The following FYN variants were observed in gnomAD, a reference collection of about 807,000 sequenced individuals.
FYN encodes the protein FYN proto-oncogene, Src family tyrosine kinase.
FYN carries 10 observed loss-of-function variants against 70.2 expected under a neutral mutation model. That is an observed-to-expected ratio of 0.14 (90% CI 0.09 to 0.24). FYN has a LOEUF of 0.24. Ranked by LOEUF, FYN falls within the 10% of genes least tolerant of loss-of-function variation. FYN has a pLI of 1.00. For missense variants in FYN, 319 were observed against 673.1 expected (o/e 0.47, Z 5.82); for synonymous variants, 236 against 248.6 (o/e 0.95, Z 0.48).
intron 3 of FYN, among the ~76,000 whole-genome samples, chr6:111,728,151 G>C (rs574985985): frequency 2.9e-4 from 44 of 152,272 alleles, no homozygotes; most frequent in Middle Eastern, 3.4e-3. Flanking sequence ...TTTTGCTCTG[G>C]ATCTCAGGGT....
chr6:111,792,598 T>C (rs999766371), intron 2 of FYN, among the ~76,000 whole-genome samples: 20 of 152,222 alleles, frequency 1.3e-4, no homozygotes, highest in African/African-American at 4.6e-4. Flanking sequence ...TAAATACATC[T>C]TGATATGTTA....
intron 12 of FYN, among the ~76,000 whole-genome samples, chr6:111,693,792 C>A (rs1325785774): frequency 6.6e-6 from 1 of 152,094 alleles, no homozygotes; most frequent in African/African-American, 2.4e-5. Flanking sequence ...TTGGGTCTGG[C>A]AGAAGACCCA....
chr6:111,846,000 T>C (rs1773516365), intron 2 of FYN, among the ~76,000 whole-genome samples: 1 of 152,198 alleles, frequency 6.6e-6, no homozygotes, highest in Non-Finnish European at 1.5e-5. Flanking sequence ...TCTCAGATTG[T>C]ACCATCATTA....
chr6:111,865,025 G>C (rs1031717160), intron 1 of FYN, among the ~76,000 whole-genome samples: 1 of 152,212 alleles, frequency 6.6e-6, no homozygotes, highest in African/African-American at 2.4e-5. Context: ...GTAGGTAGCT[G>C]TGGTATGCTC....
intron 12 of FYN, among the ~76,000 whole-genome samples, chr6:111,678,150 G>A (rs12196216): frequency 1.7e-5 from 2 of 119,804 alleles, no homozygotes; most frequent in Non-Finnish European, 3.4e-5. Context: ...GTGTGTGTGT[G>A]GTGTGTGTAC....
chr6:111,800,075 G>A (rs1771936852), intron 2 of FYN, among the ~76,000 whole-genome samples: 1 of 152,166 alleles, frequency 6.6e-6, no homozygotes, highest in South Asian at 2.1e-4. Context: ...TAAAATGCTT[G>A]TTGATGCCCT....
At chr6:111,747,893 C>A (rs1209715537) in intron 3 of FYN, among the ~76,000 whole-genome samples, 1 of 152,228 alleles carries the variant, frequency 6.6e-6, no homozygotes, top group African/African-American at 2.4e-5. Flanking sequence ...AGGATAGGCA[C>A]TATTATTGTT....
chr6:111,858,883 C>T (rs7768077), intron 1 of FYN, among the ~76,000 whole-genome samples: 1 of 151,004 alleles, frequency 6.6e-6, no homozygotes, highest in South Asian at 2.1e-4. Context: ...ACAGGCCATT[C>T]TCCTAGAAGA....
intron 2 of FYN, among the ~76,000 whole-genome samples, chr6:111,842,016 T>A (rs1400881240): frequency 6.6e-6 from 1 of 151,534 alleles, no homozygotes; most frequent in Admixed American, 6.6e-5. Flanking sequence ...CACACACCCA[T>A]GCATGCATTC....
At chr6:111,707,854 G>T in intron 6 of FYN, 68 bp downstream of exon 6, 1 of 1,234,210 alleles carries the variant, frequency 8.1e-7, no homozygotes, top group Non-Finnish European at 1.2e-6. Context: ...GCCCAATGCT[G>T]ATGGCATTTT....
chr6:111,671,974 G>C (rs1320923216), intron 13 of FYN, among the ~76,000 whole-genome samples: 1 of 152,178 alleles, frequency 6.6e-6, no homozygotes, highest in East Asian at 1.9e-4. Context: ...CCCATGGCTA[G>C]GAACAGGCCT....
rs377736016 is a variant in FYN, at chr6:111,846,633, TAGA to T, written c.-122-7_-122-5del. The T allele has an allele frequency of 4.7e-3, 1,882 of 398,514 alleles. 9 individuals are homozygous for T. Among genetic ancestry groups the T allele is most frequent in the Middle Eastern group, 0.016 (26 of 1,586 alleles). The allele number at this position is 398,514 out of a possible 1,614,324, so 24.7% of individuals were successfully genotyped here. A position where few individuals can be genotyped will look rare whatever the true frequency, so the allele number is the denominator to read the frequency against. On this transcript the variant is annotated splice_polypyrimidine_tract_variant and splice_region_variant and intron_variant, in intron 1 of 13. Coordinates refer to ENST00000354650, the MANE Select transcript of FYN (RefSeq NM_002037.5). ...GCATCCTGCTTCTTCAAAAAAACTG[TAGA>T]AGAAGAAAAAAAAAAGTGAGACATC...
chr6:111,688,229 C>A (rs768882731), intron 12 of FYN, among the ~76,000 whole-genome samples: 1 of 152,186 alleles, frequency 6.6e-6, no homozygotes, highest in African/African-American at 2.4e-5. Context: ...AGAACTTATG[C>A]TCTAGGAATA....
rs1263640260 is a variant in FYN at position 111,694,705 on chromosome 6, C to T, written c.1043-1G>A. 1 of 1,608,766 alleles carries T rather than the reference C, an allele frequency of 6.2e-7. No individual in the cohort carries two copies. Among genetic ancestry groups the T allele is most frequent in the African/African-American group, 1.3e-5 (1 of 74,764 alleles). ...TCTTTTAAGAAATCCAGTAAACTTC[C>T]TATGAACAAAACATAAAATCATTTC... On this transcript the variant is annotated splice_acceptor_variant, in intron 10 of 13. Transcript: ENST00000354650. LOFTEE classifies it high-confidence loss of function. The surrounding 1 kb of genome is among the most constrained non-coding windows in gnomAD (Gnocchi z 5.0).
At chr6:111,731,805 G>A (rs1157621811) in intron 3 of FYN, among the ~76,000 whole-genome samples, 1 of 152,204 alleles carries the variant, frequency 6.6e-6, no homozygotes, top group Non-Finnish European at 1.5e-5. Context: ...TGAAGGAAAG[G>A]AGGATGGTCT....
chr6:111,831,202 C>G (rs1255040469), intron 2 of FYN, among the ~76,000 whole-genome samples: 1 of 152,112 alleles, frequency 6.6e-6, no homozygotes, highest in African/African-American at 2.4e-5. Context: ...TCTCTCCTAT[C>G]TGCTTGATAG....
chr6:111,703,135 C>T, intron 7 of FYN, 101 bp from the exon 8 acceptor site: 5 of 1,059,000 alleles, frequency 4.7e-6, no homozygotes, highest in Non-Finnish European at 7.0e-6. Flanking sequence ...ACCAAGGATG[C>T]ACACACACAT....
rs11409465 is a variant in FYN at position 111,764,216 on chromosome 6, CAAAAAAAA to C, written c.-12+16342_-12+16349del. Among the ~76,000 whole-genome samples, 34 of 58,382 alleles carry C rather than the reference CAAAAAAAA, an allele frequency of 5.8e-4. 1 individual carries two copies. The highest frequency in any genetic ancestry group is 1.7e-3 in the East Asian group (2 of 1,170). The allele number at this position is 58,382 out of a possible 152,430, so 38.3% of individuals were successfully genotyped here. ...AAATTGGTCACTGGATTTTGTCAAG[CAAAAAAAA>C]AAAAAAAAGAAAAGAAAAAAAAAGA... On this transcript the variant is annotated intron_variant, in intron 3 of 13. Coordinates refer to ENST00000354650, the MANE Select transcript of FYN (RefSeq NM_002037.5).
At chr6:111,680,577 G>A (rs1798739116) in intron 12 of FYN, among the ~76,000 whole-genome samples, 1 of 152,192 alleles carries the variant, frequency 6.6e-6, no homozygotes, top group Non-Finnish European at 1.5e-5. Context: ...GACTTATGAT[G>A]AGACAGAATG....
Sources: gnomAD v4.1 joint callset for allele counts (sites outside exome capture counted in the v4.1 genomes callset) on GRCh38, gnomAD v4.1.1 for gene constraint, Gnocchi (gnomAD v3.1) non-coding constraint, MANE v1.5 for transcripts, NCBI Gene and HGNC (gene_info 2026-07-23, HGNC 2026-07-21) for gene names.